The following GDPD5 variants were observed in gnomAD, a reference collection of about 807,000 sequenced individuals.
The protein encoded by GDPD5 is glycerophosphodiester phosphodiesterase domain containing 5, also known as glycerophosphodiester phosphodiesterase 2.
A neutral mutation model predicts 75.1 loss-of-function variants in GDPD5; 48 were observed. That is an observed-to-expected ratio of 0.64 (90% CI 0.51 to 0.81). The LOEUF (loss-of-function observed/expected upper bound fraction) is 0.81. GDPD5 is among the 40% of genes least tolerant of loss of function. GDPD5 has a pLI of 0.00. For synonymous variants in GDPD5, 336 were observed against 339.0 expected (o/e 0.99, Z 0.10); for missense variants, 706 against 822.6 (o/e 0.86, Z 1.73).
intron 10 of GDPD5, among the ~76,000 whole-genome samples, chr11:75,443,966 C>T (rs1189154237): frequency 2.6e-5 from 4 of 152,190 alleles, no homozygotes; most frequent in Non-Finnish European, 4.4e-5. Context: ...CAGTTCTGCC[C>T]TTCTTCCCTT....
chr11:75,469,489 A>G (rs1323866410), intron 3 of GDPD5, among the ~76,000 whole-genome samples: 2 of 152,222 alleles, frequency 1.3e-5, no homozygotes, highest in Non-Finnish European at 2.9e-5. Context: ...GTGTACCTCC[A>G]GTGTCCCCAG....
At chr11:75,511,982 A>G (rs1343663557) in intron 1 of GDPD5, among the ~76,000 whole-genome samples, 3 of 152,108 alleles carry the variant, frequency 2.0e-5, no homozygotes, top group Admixed American at 6.5e-5. Flanking sequence ...CAGATTACAA[A>G]CTGTCAAGTC....
intron 10 of GDPD5, among the ~76,000 whole-genome samples, chr11:75,443,586 C>A (rs1948897134): frequency 6.6e-6 from 1 of 152,178 alleles, no homozygotes; most frequent in African/African-American, 2.4e-5. Context: ...GGTGCTGCCT[C>A]ATTTGACAAT....
At chr11:75,512,325 C>CACACACACACACAT (rs55710152) in intron 1 of GDPD5, among the ~76,000 whole-genome samples, 1 of 149,058 alleles carries the variant, frequency 6.7e-6, no homozygotes, top group Non-Finnish European at 1.5e-5. Flanking sequence ...CACACACACA[C>CACACACACACACAT]GAGGGGAGAG....
chr11:75,488,230 C>T (rs1004124325), intron 2 of GDPD5, among the ~76,000 whole-genome samples: 4 of 152,120 alleles, frequency 2.6e-5, no homozygotes, highest in Non-Finnish European at 4.4e-5. Flanking sequence ...CCCCCTTCTC[C>T]CCCAGTGACA....
rs1396728303 is a variant in GDPD5, at chr11:75,435,532, G to T, written c.1793C>A (p.Thr598Asn). Reference protein sequence around the residue: ...GPRGGGSHTKTLIERSGR With the variant: ...GPRGGGSHTKNLIERSGR ...CTAACGCCCACTCCGCTCTATGAGG[G>T]TCTTGGTGTGGCTGCCACCCCCTCG... Residue 598 changes from threonine to asparagine, a missense_variant, in exon 17 of 17, where the codon ACC becomes AAC. Thr to Asn is a moderately conservative substitution (Grantham distance 65). Coordinates refer to ENST00000336898, the MANE Select transcript of GDPD5 (RefSeq NM_030792.8). The T allele has an allele frequency of 6.2e-7, 1 of 1,612,152 alleles. No individual in the cohort carries two copies. The highest frequency in any genetic ancestry group is 8.5e-7 in the Non-Finnish European group (1 of 1,179,136).
intron 3 of GDPD5, among the ~76,000 whole-genome samples, chr11:75,473,254 G>C (rs1949707744): frequency 6.6e-6 from 1 of 151,994 alleles, no homozygotes; most frequent in East Asian, 1.9e-4. Context: ...TTATTTGTCT[G>C]TTCTGCCCAC....
chr11:75,454,206 G>C (rs944010956), intron 6 of GDPD5, among the ~76,000 whole-genome samples: 1 of 152,172 alleles, frequency 6.6e-6, no homozygotes, highest in Non-Finnish European at 1.5e-5. Flanking sequence ...CAAAAGATAT[G>C]AAGAGACAGT....
chr11:75,480,848 T>C (rs768677524), intron 2 of GDPD5, among the ~76,000 whole-genome samples: 5 of 152,268 alleles, frequency 3.3e-5, no homozygotes, highest in Non-Finnish European at 7.3e-5. Context: ...ATGAAAATTA[T>C]ATGAAAGTCA....
At chr11:75,480,707 G>A (rs144721078) in intron 2 of GDPD5, among the ~76,000 whole-genome samples, 280 of 152,272 alleles carry the variant, frequency 1.8e-3, no homozygotes, top group African/African-American at 6.3e-3. Flanking sequence ...GTTGGCTCCA[G>A]GGACCTTGCT....
chr11:75,455,096 G>A (rs1949255919), intron 6 of GDPD5: 2 of 310,390 alleles, frequency 6.4e-6, no homozygotes, highest in South Asian at 2.8e-5. Flanking sequence ...CTGGGAGCTG[G>A]CACCAGCATG....
intron 3 of GDPD5, among the ~76,000 whole-genome samples, chr11:75,470,694 A>T (rs556566221): frequency 1.1e-3 from 166 of 152,376 alleles, no homozygotes; most frequent in Non-Finnish European, 1.9e-3. Context: ...AAAAAATTTT[A>T]AAAATAGAAA....
At chr11:75,508,323 C>A (rs146626108) in intron 1 of GDPD5, 1 of 152,246 alleles carries the variant, frequency 6.6e-6, no homozygotes, top group Non-Finnish European at 1.5e-5. Context: ...TTTGCTCTGG[C>A]CTAGCATTAG....
chr11:75,465,378 CCT>C (rs962365566), intron 3 of GDPD5, among the ~76,000 whole-genome samples: 4 of 152,184 alleles, frequency 2.6e-5, no homozygotes, highest in Non-Finnish European at 4.4e-5. Flanking sequence ...TGAAGACTCC[CCT>C]GTCTCACAGG....
chr11:75,482,608 A>G (rs1020554074), intron 2 of GDPD5, among the ~76,000 whole-genome samples: 1 of 152,068 alleles, frequency 6.6e-6, no homozygotes, highest in Admixed American at 6.5e-5. Flanking sequence ...TTTCAGCCCC[A>G]TCCCTCCAAT....
intron 3 of GDPD5, among the ~76,000 whole-genome samples, chr11:75,472,016 G>C (rs561642831): frequency 1.3e-5 from 2 of 152,178 alleles, no homozygotes; most frequent in Admixed American, 1.3e-4. Context: ...TCCTCAAAGC[G>C]CTGAAGGAGA....
In GDPD5 at chr11:75,444,472, C is replaced by T; in HGVS notation, c.738G>A (p.Met246Ile). ...TCTGCTCGAGGGCCTTCCGGAAGGA[C>T]ATGAGCGTGTGCTCTGGAGCCAGCT... Reference protein sequence around the residue: ...APMLAPEHTLMSFRKALEQKL... With the variant: ...APMLAPEHTLISFRKALEQKL... Residue 246 changes from methionine (M) to isoleucine (I), a missense_variant, in exon 10 of 17, where the codon ATG becomes ATA. Coordinates refer to ENST00000336898, the MANE Select transcript of GDPD5 (RefSeq NM_030792.8). 1 of 1,613,742 alleles carries T rather than the reference C, an allele frequency of 6.2e-7. No homozygotes were observed. Among genetic ancestry groups the T allele is most frequent in the Non-Finnish European group, 8.5e-7 (1 of 1,179,860 alleles).
chr11:75,518,871 G>A (rs1041921779), intron 1 of GDPD5, among the ~76,000 whole-genome samples: 4 of 152,060 alleles, frequency 2.6e-5, no homozygotes, highest in Non-Finnish European at 5.9e-5. Flanking sequence ...GACATTCTTC[G>A]TGGCATTTTT....
chr11:75,471,770 T>C (rs1949671218), intron 3 of GDPD5, among the ~76,000 whole-genome samples: 1 of 152,192 alleles, frequency 6.6e-6, no homozygotes, highest in Non-Finnish European at 1.5e-5. Context: ...CTTGGTGCTA[T>C]TCCAAGAGGA....
Sources: allele counts gnomAD v4.1 joint callset (sites outside exome capture counted in the v4.1 genomes callset), GRCh38; gene constraint gnomAD v4.1.1; transcripts MANE v1.5; gene names NCBI Gene and HGNC (gene_info 2026-07-23, HGNC 2026-07-21).